The following AMMECR1 variants were observed in gnomAD, a reference collection of about 807,000 sequenced individuals.
The protein encoded by AMMECR1 is nuclear protein AMMECR1.
AMMECR1 carries 3 observed loss-of-function variants against 22.5 expected under a neutral mutation model. The ratio of observed to expected loss-of-function variants is 0.13; its 90% CI spans 0.06 to 0.35. The LOEUF (loss-of-function observed/expected upper bound fraction) is 0.35. Ranked by LOEUF, AMMECR1 falls within the 10% of genes least tolerant of loss-of-function variation. The probability of loss-of-function intolerance (pLI) is 1.00; values close to 1 mark genes in which losing one functional copy is unlikely to be tolerated. For missense variants in AMMECR1, 235 were observed against 278.7 expected (o/e 0.84, Z 1.12); for synonymous variants, 130 against 116.7 (o/e 1.11, Z -0.74).
chrX:110,275,832 AAAAT>A (rs905332755), intron 1 of AMMECR1, among the ~76,000 whole-genome samples: 9 of 111,364 alleles, frequency 8.1e-5, no homozygotes, highest in African/African-American at 2.0e-4. Flanking sequence ...CTCCGTCTCA[AAAAT>A]AAATAAATAA....
At chrX:110,260,462 T>A (rs980654919) in intron 2 of AMMECR1, among the ~76,000 whole-genome samples, 4 of 111,163 alleles carry the variant, frequency 3.6e-5, no homozygotes, top group Non-Finnish European at 5.7e-5. Flanking sequence ...GCATTTCATT[T>A]AAAAAATACC....
At chrX:110,419,728 A>G (rs1197605798) in intron 2 of AMMECR1, among the ~76,000 whole-genome samples, 1 of 112,275 alleles carries the variant, frequency 8.9e-6, no homozygotes. Flanking sequence ...ATTCCATAGG[A>G]AAAAAAATCA....
chrX:110,350,439 T>C (rs1448796972), intron 2 of AMMECR1, among the ~76,000 whole-genome samples: 1 of 111,630 alleles, frequency 9.0e-6, no homozygotes, highest in Non-Finnish European at 1.9e-5. Context: ...GTACTGGAAG[T>C]TCTCAACAGG....
rs140402199 is a variant in AMMECR1, at chrX:110,373,510, C to G, written c.-148+53148G>C. On this transcript the variant is annotated intron_variant, in intron 2 of 7. Transcript: ENST00000372057. ...CTTACGGAAGGGTTCTAACAGAAAA[C>G]AGTTCCTGCAGAAGATAAGCTCACA... Among the ~76,000 whole-genome samples, 153 of 111,950 alleles carry G rather than the reference C, an allele frequency of 1.4e-3. 1 individual carries two copies. Among genetic ancestry groups the G allele is most frequent in the African/African-American group, 4.7e-3 (145 of 30,809 alleles).
At chrX:110,369,141 G>A (rs1415290733) in intron 2 of AMMECR1, among the ~76,000 whole-genome samples, 1 of 111,360 alleles carries the variant, frequency 9.0e-6, no homozygotes, top group Admixed American at 9.5e-5. Context: ...GACCATCCTG[G>A]CTAACACAGT....
At chrX:110,416,218 G>A (rs762585050) in intron 2 of AMMECR1, among the ~76,000 whole-genome samples, 2 of 111,760 alleles carry the variant, frequency 1.8e-5, no homozygotes, top group African/African-American at 6.5e-5. Flanking sequence ...CTGAAATCAT[G>A]AGACCAGGAT....
At chrX:110,395,494 GA>G (rs1355400481) in intron 2 of AMMECR1, among the ~76,000 whole-genome samples, 1 of 112,002 alleles carries the variant, frequency 8.9e-6, no homozygotes, top group Non-Finnish European at 1.9e-5. Context: ...TCCTACAAGG[GA>G]AGTACCATTT....
intron 2 of AMMECR1, among the ~76,000 whole-genome samples, chrX:110,334,972 T>C (rs973576254): frequency 8.9e-6 from 1 of 111,779 alleles, no homozygotes; most frequent in East Asian, 2.8e-4. Flanking sequence ...AGAGGCACCA[T>C]TGCACACTGA....
intron 2 of AMMECR1, among the ~76,000 whole-genome samples, chrX:110,414,798 A>G (rs745591680): frequency 1.2e-4 from 14 of 112,275 alleles, no homozygotes; most frequent in Non-Finnish European, 2.4e-4. Flanking sequence ...GTCCTTCCAG[A>G]GCTTCCCCTC....
At chrX:110,395,531 C>G (rs759195338) in intron 2 of AMMECR1, among the ~76,000 whole-genome samples, 1 of 112,637 alleles carries the variant, frequency 8.9e-6, no homozygotes, top group Non-Finnish European at 1.9e-5. Flanking sequence ...GAAGAGGATA[C>G]AAAAGCTCAG....
At chrX:110,336,776 T>G (rs1027877656) in intron 2 of AMMECR1, among the ~76,000 whole-genome samples, 1 of 110,951 alleles carries the variant, frequency 9.0e-6, no homozygotes, top group Non-Finnish European at 1.9e-5. Context: ...GGAAGAGCCA[T>G]GCCAAGTCAC....
chrX:110,344,722 C>T (rs1370118264), intron 2 of AMMECR1, among the ~76,000 whole-genome samples: 1 of 111,620 alleles, frequency 9.0e-6, no homozygotes, highest in Non-Finnish European at 1.9e-5. Context: ...GACATTTATG[C>T]AGCCAACAGA....
chrX:110,343,653 T>C (rs756997347), intron 2 of AMMECR1, among the ~76,000 whole-genome samples: 7 of 111,372 alleles, frequency 6.3e-5, no homozygotes, highest in African/African-American at 2.3e-4. Context: ...AGTCTCAGGA[T>C]ACAAAATCAA....
intron 1 of AMMECR1, among the ~76,000 whole-genome samples, chrX:110,312,358 G>A: frequency 8.9e-6 from 1 of 112,310 alleles, no homozygotes; most frequent in East Asian, 2.8e-4. Context: ...TACATACTTA[G>A]AAAAACAACT....
intron 2 of AMMECR1, among the ~76,000 whole-genome samples, chrX:110,394,254 T>G (rs1338297967): frequency 1.8e-5 from 2 of 112,284 alleles, no homozygotes; most frequent in South Asian, 3.7e-4. Flanking sequence ...TTGTTTGTTT[T>G]TTTGTTTGTT....
intron 1 of AMMECR1, among the ~76,000 whole-genome samples, chrX:110,268,330 C>G (rs930441986): frequency 9.8e-5 from 11 of 111,681 alleles, no homozygotes; most frequent in Admixed American, 8.6e-4. Flanking sequence ...AGGACAGATG[C>G]CTGAAGATGG....
At chrX:110,349,635 T>C (rs1408926948) in intron 2 of AMMECR1, among the ~76,000 whole-genome samples, 5 of 112,118 alleles carry the variant, frequency 4.5e-5, no homozygotes, top group Non-Finnish European at 9.4e-5. Flanking sequence ...TAATTGGAAG[T>C]ACATAAATGG....
At chrX:110,204,243 C>G (rs777049836) in intron 3 of AMMECR1, among the ~76,000 whole-genome samples, 3 of 111,103 alleles carry the variant, frequency 2.7e-5, no homozygotes, top group African/African-American at 9.8e-5. Context: ...TTAAAAGATA[C>G]ACAGCATAAG....
At chrX:110,262,762 A>G (rs1217713688) in intron 2 of AMMECR1, among the ~76,000 whole-genome samples, 1 of 112,197 alleles carries the variant, frequency 8.9e-6, no homozygotes, top group African/African-American at 3.2e-5. Context: ...TTTCTATAAT[A>G]CCAACTCTTA....
Sources: gnomAD v4.1 joint callset for allele counts (sites outside exome capture counted in the v4.1 genomes callset) on GRCh38, gnomAD v4.1.1 for gene constraint, MANE v1.5 for transcripts, NCBI Gene and HGNC (gene_info 2026-07-23, HGNC 2026-07-21) for gene names.